Variants in WASHC5 observed in about 807,000 individuals in gnomAD.
The protein encoded by WASHC5 is WASH complex subunit 5, also known as WASH complex subunit strumpellin.
In WASHC5, 101 loss-of-function variants were observed where a neutral mutation model predicts 150.4. That is an observed-to-expected ratio of 0.67 (90% CI 0.57 to 0.79). The LOEUF (loss-of-function observed/expected upper bound fraction) is 0.79. Ranked by LOEUF, WASHC5 falls within the 30% of genes least tolerant of loss-of-function variation. The pLI is 0.00. For missense variants in WASHC5, 1,195 were observed against 1,396.3 expected (o/e 0.86, Z 2.30); for synonymous variants, 467 against 491.2 (o/e 0.95, Z 0.65).
intron 1 of WASHC5, among the ~76,000 whole-genome samples, chr8:125,089,303 T>TGTC (rs1015688685): frequency 6.6e-6 from 1 of 152,054 alleles, no homozygotes; most frequent in African/African-American, 2.4e-5. Context: ...ACACCAGGAG[T>TGTC]GTCCAATCTT....
chr8:125,086,152 G>A (rs1270082547), intron 1 of WASHC5, among the ~76,000 whole-genome samples: 1 of 152,164 alleles, frequency 6.6e-6, no homozygotes, highest in African/African-American at 2.4e-5. Context: ...GCACCACAGA[G>A]AGGGTGACTT....
At chr8:125,074,879 T>G in intron 8 of WASHC5, 119 bp downstream of exon 8, 1 of 734,486 alleles carries the variant, frequency 1.4e-6, no homozygotes. Flanking sequence ...TTATTAATCA[T>G]TGCATTAAAT....
chr8:125,083,294 A>G, intron 2 of WASHC5, 36 bp from the exon 3 acceptor site: 2 of 1,599,036 alleles, frequency 1.3e-6, no homozygotes, highest in African/African-American at 2.7e-5. Context: ...TGTCAATAAA[A>G]GCATACTTGT....
In WASHC5 at chr8:125,076,403, T is replaced by G. The variant is rs1161953944; in HGVS notation, c.809A>C (p.His270Pro). Residue 270 changes from histidine (H) to proline (P), a missense_variant, in exon 7 of 29, where the codon CAC (histidine) becomes CCC (proline). By Grantham distance (77) the His-to-Pro change is moderately conservative. Coordinates refer to ENST00000318410, the MANE Select transcript of WASHC5 (RefSeq NM_014846.4). ...VILYFEPSIL[H>P]THQAKMREIV... is the part of the protein sequence containing the mutation. ...CTCTCTCATTTTTGCTTGATGGGTG[T>G]GAAGGATGGAAGGCTCAAAGTAGAG... 1 of 1,613,934 alleles carries G rather than the reference T, an allele frequency of 6.2e-7. No homozygotes were observed. Among genetic ancestry groups the G allele is most frequent in the Non-Finnish European group, 8.5e-7 (1 of 1,179,942 alleles).
intron 12 of WASHC5, among the ~76,000 whole-genome samples, chr8:125,059,935 G>A (rs932420841): frequency 3.3e-5 from 5 of 152,098 alleles, no homozygotes; most frequent in Non-Finnish European, 7.4e-5. Flanking sequence ...AGTTGTTTAC[G>A]ATCATATTAT....
chr8:125,076,255 A>T, intron 7 of WASHC5, 93 bp downstream of exon 7: 1 of 1,149,442 alleles, frequency 8.7e-7, no homozygotes, highest in Non-Finnish European at 1.3e-6. Flanking sequence ...CCCATTATTT[A>T]CAACATTACA....
intron 10 of WASHC5, among the ~76,000 whole-genome samples, chr8:125,066,905 T>C (rs993894514): frequency 6.6e-6 from 1 of 152,214 alleles, no homozygotes; most frequent in African/African-American, 2.4e-5. Flanking sequence ...TTGCGTCTCT[T>C]CTCATGGAAG....
At chr8:125,058,333 GCCTGGGAGTTTGAGACACAGC>G (rs1816478441) in intron 14 of WASHC5, among the ~76,000 whole-genome samples, 1 of 151,538 alleles carries the variant, frequency 6.6e-6, no homozygotes, top group Admixed American at 6.6e-5. Context: ...GATCGCTTGA[GCCTGGGAGTTTGAGACACAGC>G]CTGGGCAACA....
In WASHC5 at chr8:125,047,097, T is replaced by G. The variant is rs183504896; in HGVS notation, c.2504+110A>C. On this transcript the variant is annotated intron_variant, in intron 20 of 28. Coordinates refer to ENST00000318410, the MANE Select transcript of WASHC5 (RefSeq NM_014846.4). ...TGCCCTAAAGGGTCAGAATATGAGT[T>G]GACAAGTGCAGGACCCCCGTGACTG... is the stretch of plus-strand genomic sequence containing the variant. The G allele has an allele frequency of 2.1e-3, 2,750 of 1,329,108 alleles. 2 individuals are homozygous for G. The highest frequency in any genetic ancestry group is 2.7e-3 in the Non-Finnish European group (2,525 of 928,212). The allele number at this position is 1,329,108 out of a possible 1,614,324, so 82.3% of individuals were successfully genotyped here. A position where few individuals can be genotyped will look rare whatever the true frequency, so the allele number is the denominator to read the frequency against.
chr8:125,077,222 C>A (rs1190208388), intron 6 of WASHC5, among the ~76,000 whole-genome samples: 1 of 152,192 alleles, frequency 6.6e-6, no homozygotes, highest in Non-Finnish European at 1.5e-5. Context: ...TCACATGAAA[C>A]CTGCAGGCAG....
rs542143536 is a variant in WASHC5 at position 125,028,097 on chromosome 8, T to C, written c.3423+523A>G. Among the ~76,000 whole-genome samples the C allele has an allele frequency of 1.9e-3, 289 of 152,356 alleles. 1 individual carries two copies. The highest frequency in any genetic ancestry group is 6.3e-3 in the African/African-American group (263 of 41,592). The stretch of plus-strand genomic sequence containing the variant: ...ATCTGCTGAAAGTTGTATTTTTCAG[T>C]ATCAAGCTCTCCACTTTGAGCTAAA... On this transcript the variant is annotated intron_variant, in intron 28 of 28. Transcript: ENST00000318410.
chr8:125,073,667 A>C (rs529745690), intron 8 of WASHC5, among the ~76,000 whole-genome samples: 3 of 152,358 alleles, frequency 2.0e-5, no homozygotes, highest in South Asian at 4.1e-4. Flanking sequence ...ATTTCTATAT[A>C]AGATGAATAA....
intron 1 of WASHC5, among the ~76,000 whole-genome samples, chr8:125,088,111 T>C (rs559923510): frequency 6.6e-6 from 1 of 152,234 alleles, no homozygotes; most frequent in South Asian, 2.1e-4. Context: ...TGTAGGTTCC[T>C]TCCCTTGAGT....
chr8:125,089,761 A>C lies in WASHC5; in HGVS notation c.-125+1854T>G, dbSNP rs1370682730. Reference sequence around the variant, plus strand: ...ACAGAGATCAAGACTTTCGTGTGTCAATCTCTTGTTTTAATCCTTAGTCCC... The same window carrying C: ...ACAGAGATCAAGACTTTCGTGTGTCCATCTCTTGTTTTAATCCTTAGTCCC... On this transcript the variant is annotated intron_variant, in intron 1 of 28. Coordinates refer to ENST00000318410, the MANE Select transcript of WASHC5 (RefSeq NM_014846.4). Among the ~76,000 whole-genome samples the C allele has an allele frequency of 1.3e-5, 2 of 152,344 alleles. 1 individual carries two copies. The highest frequency in any genetic ancestry group is 3.9e-4 in the East Asian group (2 of 5,188).
At chr8:125,079,356 A>ATTTT in intron 5 of WASHC5, among the ~76,000 whole-genome samples, 1 of 151,102 alleles carries the variant, frequency 6.6e-6, no homozygotes. Flanking sequence ...GTGCCTGGCT[A>ATTTT]ATTTTTGTAT....
rs555280051 is a variant in WASHC5, at chr8:125,059,122, C to G, written c.1764+100G>C. 1.1e-4 allele frequency: 92 copies of G among 853,422 alleles called. No homozygotes were observed. In the African/African-American group the frequency reaches 1.5e-3, roughly 14 times the overall value. The allele number at this position is 853,422 out of a possible 1,614,324, so 52.9% of individuals were successfully genotyped here. A position where few individuals can be genotyped will look rare whatever the true frequency, so the allele number is the denominator to read the frequency against. On this transcript the variant is annotated intron_variant, in intron 14 of 28. Coordinates refer to ENST00000318410, the MANE Select transcript of WASHC5 (RefSeq NM_014846.4). ...CTATAAAAATATTGAAATTATTTAC[C>G]TTCCTAAAAGGATAAAATCCTGGGC...
In WASHC5 at chr8:125,038,825, C is replaced by T. The variant is rs1218973408; in HGVS notation, c.3084+5G>A. 2.5e-6 allele frequency: 4 copies of T among 1,613,670 alleles called. No individual in the cohort carries two copies. Among genetic ancestry groups the T allele is most frequent in the African/African-American group, 2.7e-5 (2 of 74,922 alleles). Reference sequence around the variant, plus strand: ...TCCCCGCCATTATATATTTTAATTACTCACCTTATTCAGTGGGTTGTGAAT... The same window carrying T: ...TCCCCGCCATTATATATTTTAATTATTCACCTTATTCAGTGGGTTGTGAAT... On this transcript the variant is annotated splice_donor_5th_base_variant and intron_variant, in intron 25 of 28. Transcript: ENST00000318410.
chr8:125,079,185 C>CTTTTTTT (rs34211379), intron 5 of WASHC5, among the ~76,000 whole-genome samples: 58 of 57,578 alleles, frequency 1.0e-3, no homozygotes, highest in South Asian at 1.8e-3. Context: ...TATATATAAC[C>CTTTTTTT]TTTTTTTTTT....
intron 10 of WASHC5, among the ~76,000 whole-genome samples, chr8:125,065,784 T>A (rs1385876542): frequency 6.6e-6 from 1 of 152,056 alleles, no homozygotes; most frequent in Non-Finnish European, 1.5e-5. Flanking sequence ...ACCCAGCTAA[T>A]TTTTGTATTT....
Sources: gnomAD v4.1 joint callset for allele counts (sites outside exome capture counted in the v4.1 genomes callset) on GRCh38, gnomAD v4.1.1 for gene constraint, MANE v1.5 for transcripts, NCBI Gene and HGNC (gene_info 2026-07-23, HGNC 2026-07-21) for gene names.